The following FBLN2 variants were observed in gnomAD, a reference collection of about 807,000 sequenced individuals.
FBLN2 encodes fibulin-2.
A neutral mutation model predicts 123.7 loss-of-function variants in FBLN2; 81 were observed. The ratio of observed to expected loss-of-function variants is 0.65; its 90% CI spans 0.55 to 0.79. The LOEUF is 0.79. Among genes scored for constraint, FBLN2 ranks in the 30% least tolerant of loss-of-function variants. FBLN2 has a pLI of 0.00. For missense variants in FBLN2, 1,603 were observed against 1,681.3 expected (o/e 0.95, Z 0.81); for synonymous variants, 699 against 701.4 (o/e 1.00, Z 0.05).
At chr3:13,621,556 T>C (rs1705851219) in intron 8 of FBLN2, among the ~76,000 whole-genome samples, 1 of 152,098 alleles carries the variant, frequency 6.6e-6, no homozygotes, top group South Asian at 2.1e-4. Flanking sequence ...CCACCCACCC[T>C]CTCTGAGTCT....
At chr3:13,609,204 C>T (rs1705305950) in intron 3 of FBLN2, among the ~76,000 whole-genome samples, 1 of 152,238 alleles carries the variant, frequency 6.6e-6, no homozygotes. Context: ...ACCTGCCAGC[C>T]TTTTCTGGGA....
rs113070147 is a variant in FBLN2 at position 13,628,965 on chromosome 3, C to T, written c.2630C>T (p.Thr877Met). The change falls in exon 12 of 18, where the codon ACG (threonine) becomes ATG (methionine). Residue 877 changes from threonine (T) to methionine (M), a missense_variant. Coordinates refer to ENST00000404922, the MANE Select transcript of FBLN2 (RefSeq NM_001004019.2). The part of the protein sequence containing the change: ...PCRPGFSCIN[T>M]VGSYTCQRNP... ...CGGCCAGGCTTCAGCTGCATCAACA[C>T]GGTGGGCTCCTACACATGCCAGAGG... 1.5e-5 allele frequency: 25 copies of T among 1,613,514 alleles called. No homozygotes were observed. In the African/African-American group the frequency reaches 2.0e-4, roughly 13 times the overall value.
intron 4 of FBLN2, among the ~76,000 whole-genome samples, chr3:13,612,724 G>T (rs547558558): frequency 2.6e-5 from 4 of 152,152 alleles, no homozygotes; most frequent in Non-Finnish European, 5.9e-5. Flanking sequence ...ATAAAATGAG[G>T]ATAATAATCC....
intron 1 of FBLN2, among the ~76,000 whole-genome samples, chr3:13,563,073 A>T (rs1484658855): frequency 6.6e-6 from 1 of 152,202 alleles, no homozygotes; most frequent in Non-Finnish European, 1.5e-5. Flanking sequence ...ATCATGAATA[A>T]CACTGTAGTG....
intron 16 of FBLN2, among the ~76,000 whole-genome samples, chr3:13,631,756 C>T (rs1451405864): frequency 1.3e-5 from 2 of 152,314 alleles, no homozygotes; most frequent in African/African-American, 2.4e-5. Flanking sequence ...GGCACGAAGC[C>T]TGCCCAGTGA....
chr3:13,601,644 A>G (rs567247524), intron 2 of FBLN2, among the ~76,000 whole-genome samples: 11 of 152,206 alleles, frequency 7.2e-5, no homozygotes, highest in African/African-American at 1.2e-4. Context: ...ATACTCATTG[A>G]ACACCCACCA....
At chr3:13,574,950 G>A (rs1366194885) in intron 2 of FBLN2, among the ~76,000 whole-genome samples, 1 of 152,122 alleles carries the variant, frequency 6.6e-6, no homozygotes, top group Non-Finnish European at 1.5e-5. Flanking sequence ...TCCCTGTAAC[G>A]CCCTCCTCCC....
Position 13,570,727 on chromosome 3 carries a change from T to A in FBLN2, c.372T>A (p.Ala124=). 6.2e-7 allele frequency: 1 copy of A among 1,601,464 alleles called. No homozygotes were observed. The highest frequency in any genetic ancestry group is 8.5e-7 in the Non-Finnish European group (1 of 1,174,474). Residue 124 remains alanine, a synonymous_variant, in exon 2 of 18, where the codon GCT becomes GCA. Coordinates refer to ENST00000404922, the MANE Select transcript of FBLN2 (RefSeq NM_001004019.2). ...CPELPPNCIE[A]VVVADSCPQC... ...AGCTGCCGCCCAACTGCATCGAGGC[T>A]GTAGTGGTGGCTGACAGCTGCCCAC...
intron 7 of FBLN2, 80 bp from the exon 8 acceptor site, chr3:13,619,650 A>G: frequency 8.4e-7 from 1 of 1,186,278 alleles, no homozygotes; most frequent in Non-Finnish European, 1.2e-6. Flanking sequence ...CTAGTAGGTT[A>G]GAGCCAGGGA....
intron 1 of FBLN2, among the ~76,000 whole-genome samples, chr3:13,556,660 A>G (rs1011704074): frequency 2.1e-4 from 32 of 152,294 alleles, no homozygotes; most frequent in Non-Finnish European, 3.8e-4. Context: ...CTTCCTGTGC[A>G]TGGGATGGGA....
intron 2 of FBLN2, among the ~76,000 whole-genome samples, chr3:13,595,029 G>A (rs147537109): frequency 1.6e-4 from 24 of 152,326 alleles, no homozygotes; most frequent in African/African-American, 5.3e-4. Context: ...TGTGGTCTGG[G>A]GCAAGCTGTG....
At chr3:13,592,213 A>T (rs537458595) in intron 2 of FBLN2, among the ~76,000 whole-genome samples, 33 of 151,864 alleles carry the variant, frequency 2.2e-4, no homozygotes, top group Admixed American at 5.2e-4. Context: ...TTTAATAGAG[A>T]CAGGGTTTCA....
chr3:13,571,720 C>G lies in FBLN2; in HGVS notation c.1306+59C>G. 8 of 1,465,724 alleles carry G rather than the reference C, an allele frequency of 5.5e-6. No homozygotes were observed. In the South Asian group the frequency reaches 9.8e-5, roughly 18 times the overall value. The allele number at this position is 1,465,724 out of a possible 1,614,324, so 90.8% of individuals were successfully genotyped here. On this transcript the variant is annotated intron_variant, in intron 2 of 17. Coordinates refer to ENST00000404922, the MANE Select transcript of FBLN2 (RefSeq NM_001004019.2). ...TGTGTGGGAAGGGCAGCCTTGGGCT[C>G]TGGCCGCTGCCCCAGGTCTCTGCCT...
intron 9 of FBLN2, among the ~76,000 whole-genome samples, chr3:13,625,455 C>T (rs966451596): frequency 3.3e-5 from 5 of 152,164 alleles, no homozygotes; most frequent in Admixed American, 6.5e-5. Context: ...TTAGTATTCC[C>T]ACTCAGACCC....
At chr3:13,580,635 C>T (rs1704294643) in intron 2 of FBLN2, among the ~76,000 whole-genome samples, 1 of 152,168 alleles carries the variant, frequency 6.6e-6, no homozygotes, top group African/African-American at 2.4e-5. Context: ...GCTCTCCACC[C>T]ACCTCGTCTG....
At position 13,570,240 on chromosome 3, in the gene FBLN2, C is replaced by T. The variant is rs116502990; in HGVS notation, c.-41-75C>T. On this transcript the variant is annotated intron_variant, in intron 1 of 17. Transcript: ENST00000404922. ...AGGTGGCTGAGGCTGGGCCCCTGCC[C>T]GCGTGCGTGCCGGTGTGCACCGTGT... 2.1e-3 allele frequency: 2,990 copies of T among 1,420,654 alleles called. 38 individuals carry two copies. The African/African-American group carries it at 0.033, about 16-fold the overall frequency. The allele number at this position is 1,420,654 out of a possible 1,614,324, so 88.0% of individuals were successfully genotyped here.
intron 1 of FBLN2, among the ~76,000 whole-genome samples, chr3:13,560,998 C>G (rs981855973): frequency 6.6e-6 from 1 of 152,044 alleles, no homozygotes; most frequent in African/African-American, 2.4e-5. Flanking sequence ...AAAAGAGTAC[C>G]TAAAAGTCGG....
rs1314999595 is a variant in FBLN2 at position 13,638,340 on chromosome 3, T to C, written c.*421T>C. 8 of 374,676 alleles carry C rather than the reference T, an allele frequency of 2.1e-5. No homozygotes were observed. The highest frequency in any genetic ancestry group is 3.9e-5 in the Non-Finnish European group (8 of 204,070). 23.2% of individuals were successfully genotyped at this position (374,676 alleles called of 1,614,324 possible). On this transcript the variant is annotated 3_prime_UTR_variant, in exon 18 of 18. Transcript: ENST00000404922. ...AGTTTTTTGTTTAACTATAAAGTAG[T>C]ACATGTACATTATATAAAAAAAAGT...
rs540181432 is a variant in FBLN2, at chr3:13,622,164, TG to T, written c.2296+251del. On this transcript the variant is annotated intron_variant, in intron 9 of 17. Transcript: ENST00000404922. Reference sequence around the variant, plus strand: ...GTGTCAGGGAACTGGATGTGTGGCCTGGTGGATCAGGGACCCCACCTGGGCT... The same window carrying T: ...GTGTCAGGGAACTGGATGTGTGGCCTGTGGATCAGGGACCCCACCTGGGCT... Among the ~76,000 whole-genome samples, 458 of 152,288 alleles carry T rather than the reference TG, an allele frequency of 3.0e-3. 2 individuals carry two copies. The highest frequency in any genetic ancestry group is 5.0e-3 in the Non-Finnish European group (340 of 68,012).
Sources: gnomAD v4.1 joint callset for allele counts (sites outside exome capture counted in the v4.1 genomes callset) on GRCh38, gnomAD v4.1.1 for gene constraint, MANE v1.5 for transcripts, NCBI Gene and HGNC (gene_info 2026-07-23, HGNC 2026-07-21) for gene names.